The following PCDH11X variants were observed in gnomAD, a reference collection of about 807,000 sequenced individuals.
The protein encoded by PCDH11X is protocadherin-11 X-linked.
PCDH11X carries 18 observed loss-of-function variants against 53.3 expected under a neutral mutation model. That is an observed-to-expected ratio of 0.34 (90% CI 0.23 to 0.50). PCDH11X has a LOEUF of 0.50. Ranked by LOEUF, PCDH11X falls within the 20% of genes least tolerant of loss-of-function variation. The pLI is 0.98. For missense variants in PCDH11X, 570 were observed against 1,032.4 expected (o/e 0.55, Z 6.14); for synonymous variants, 279 against 393.3 (o/e 0.71, Z 3.44).
intron 6 of PCDH11X, among the ~76,000 whole-genome samples, chrX:92,103,758 G>A (rs1173331907): frequency 8.9e-6 from 1 of 112,189 alleles, no homozygotes; most frequent in Non-Finnish European, 1.9e-5. Context: ...CAGGCGTTTG[G>A]AAGTTCTTGT....
intron 6 of PCDH11X, among the ~76,000 whole-genome samples, chrX:92,107,816 T>A (rs1382888414): frequency 8.9e-6 from 1 of 112,248 alleles, no homozygotes; most frequent in Admixed American, 9.5e-5. Context: ...CTGAGGGCTA[T>A]GTCATGGGCC....
At chrX:91,974,712 T>C (rs2062022265) in intron 6 of PCDH11X, among the ~76,000 whole-genome samples, 2 of 109,469 alleles carry the variant, frequency 1.8e-5, no homozygotes, top group South Asian at 7.9e-4. Flanking sequence ...ATGGCAGGCC[T>C]TTGCCTAGAG....
In PCDH11X at chrX:92,024,718, C is replaced by CAA. The variant is rs199917287; in HGVS notation, c.3033+145463_3033+145464dup. 5.5e-4 allele frequency among the ~76,000 whole-genome samples: 30 copies of CAA among 54,671 alleles called. 1 individual carries two copies. The highest frequency in any genetic ancestry group is 1.4e-3 in the East Asian group (3 of 2,121). The allele number at this position is 54,671 out of a possible 115,157, so 47.5% of individuals were successfully genotyped here. ...CCCTTATAGCCAAGACAATCCTAAG[C>CAA]AAAAAAAAAAAAAAAAAAACAAAAC... is the stretch of plus-strand genomic sequence containing the variant. On this transcript the variant is annotated intron_variant, in intron 6 of 10. Transcript: ENST00000682573.
At chrX:91,898,141 G>A (rs1377874851) in intron 6 of PCDH11X, among the ~76,000 whole-genome samples, 3 of 110,319 alleles carry the variant, frequency 2.7e-5, no homozygotes, top group Non-Finnish European at 5.7e-5. Flanking sequence ...CAGCATAAAG[G>A]AGTCAATAAG....
chrX:91,926,489 A>G, intron 6 of PCDH11X, among the ~76,000 whole-genome samples: 1 of 111,464 alleles, frequency 9.0e-6, no homozygotes, highest in South Asian at 3.8e-4. Context: ...TCTTTTGATG[A>G]GGGTGCTATT....
intron 7 of PCDH11X, among the ~76,000 whole-genome samples, chrX:92,248,336 AAGTT>A (rs1295678642): frequency 5.0e-4 from 56 of 112,198 alleles, no homozygotes; most frequent in African/African-American, 1.7e-3. Flanking sequence ...CAGTATCAGA[AAGTT>A]AGTTATATAT....
chrX:92,374,282 C>T (rs1488100583), intron 8 of PCDH11X, among the ~76,000 whole-genome samples: 1 of 101,669 alleles, frequency 9.8e-6, no homozygotes, highest in Non-Finnish European at 2.0e-5. Context: ...TAATGCAACC[C>T]TTTAAAAAAC....
intron 6 of PCDH11X, among the ~76,000 whole-genome samples, chrX:92,056,492 C>T (rs2063451608): frequency 9.0e-6 from 1 of 111,306 alleles, no homozygotes; most frequent in South Asian, 3.7e-4. Context: ...TGTCTGTTAA[C>T]TCTTTGATAG....
At chrX:92,259,993 T>C (rs1437819435) in intron 7 of PCDH11X, among the ~76,000 whole-genome samples, 1 of 111,361 alleles carries the variant, frequency 9.0e-6, no homozygotes, top group African/African-American at 3.3e-5. Context: ...CTCCGCATTC[T>C]TCCCTCTTCT....
intron 8 of PCDH11X, among the ~76,000 whole-genome samples, chrX:92,271,963 G>C (rs988279768): frequency 2.7e-5 from 3 of 112,107 alleles, no homozygotes; most frequent in African/African-American, 9.7e-5. Flanking sequence ...ATGGTATCAG[G>C]AGATCAGACT....
chrX:92,432,107 A>G lies in PCDH11X; in HGVS notation c.3344-36192A>G, dbSNP rs186504466. Among the ~76,000 whole-genome samples the G allele has an allele frequency of 4.3e-4, 47 of 110,207 alleles. No homozygotes were observed. In the East Asian group the frequency reaches 0.011, roughly 25 times the overall value. On this transcript the variant is annotated intron_variant, in intron 9 of 10. Transcript: ENST00000682573. ...ATGATCCTTTTGCATTTTTATTACCAGTATTGCCCTTGTTATTTTCTTTTT... is the reference window on the plus strand; with the variant it reads ...ATGATCCTTTTGCATTTTTATTACCGGTATTGCCCTTGTTATTTTCTTTTT...
intron 6 of PCDH11X, among the ~76,000 whole-genome samples, chrX:92,143,500 C>T (rs1292509161): frequency 1.8e-5 from 2 of 112,657 alleles, no homozygotes; most frequent in African/African-American, 6.5e-5. Flanking sequence ...TGGGCTGTGG[C>T]TTCAGAGGGC....
At chrX:91,880,624 G>C in intron 6 of PCDH11X, among the ~76,000 whole-genome samples, 1 of 110,667 alleles carries the variant, frequency 9.0e-6, no homozygotes, top group Non-Finnish European at 1.9e-5. Context: ...GTTACAGTAG[G>C]TACACAATTA....
chrX:92,314,221 A>G (rs2069022620), intron 8 of PCDH11X, among the ~76,000 whole-genome samples: 1 of 112,035 alleles, frequency 8.9e-6, no homozygotes, highest in Admixed American at 9.5e-5. Context: ...TGTTTTTAAC[A>G]TTTTGATTTT....
intron 10 of PCDH11X, among the ~76,000 whole-genome samples, chrX:92,558,147 C>T (rs2075074685): frequency 9.1e-6 from 1 of 110,248 alleles, no homozygotes; most frequent in African/African-American, 3.3e-5. Context: ...TGAGTGGAGA[C>T]ACAGCCAAAC....
At chrX:92,267,107 T>G (rs1359895468) in intron 8 of PCDH11X, among the ~76,000 whole-genome samples, 2 of 112,007 alleles carry the variant, frequency 1.8e-5, no homozygotes, top group African/African-American at 6.5e-5. Context: ...TTTTTGAAAT[T>G]TCCTCGTATG....
Position 91,879,935 on chromosome X carries a change from TGG to T in PCDH11X, c.3033+663_3033+664del, listed in dbSNP as rs1157434485. 5.6e-6 allele frequency: 4 copies of T among 711,428 alleles called. No individual in the cohort carries two copies. In the African/African-American group the frequency reaches 9.8e-5, roughly 17 times the overall value. 58.6% of individuals were successfully genotyped at this position (711,428 alleles called of 1,213,427 possible). The stretch of plus-strand genomic sequence containing the variant: ...GAGAATGAAATATATATGAGGTCTC[TGG>T]ATAGCTATTTAAATATTTGCATATT... On this transcript the variant is annotated intron_variant, in intron 6 of 10. Transcript: ENST00000682573.
At chrX:92,015,142 T>C (rs1406904833) in intron 6 of PCDH11X, among the ~76,000 whole-genome samples, 1 of 112,199 alleles carries the variant, frequency 8.9e-6, no homozygotes, top group Admixed American at 9.4e-5. Context: ...CTAACACTCA[T>C]CTGAGGCTTC....
At chrX:92,314,568 C>G (rs1264572799) in intron 8 of PCDH11X, among the ~76,000 whole-genome samples, 9 of 111,317 alleles carry the variant, frequency 8.1e-5, no homozygotes, top group African/African-American at 2.9e-4. Context: ...ATATGCTATG[C>G]TTTTATATGA....
Sources: allele counts gnomAD v4.1 joint callset (sites outside exome capture counted in the v4.1 genomes callset), GRCh38; gene constraint gnomAD v4.1.1; transcripts MANE v1.5; gene names NCBI Gene and HGNC (gene_info 2026-07-23, HGNC 2026-07-21).